The following IL10RA variants were observed in gnomAD, a reference collection of about 807,000 sequenced individuals.
IL10RA encodes interleukin-10 receptor subunit alpha.
Under a neutral mutation model 29.6 loss-of-function variants are expected in IL10RA, and 18 were observed. That is an observed-to-expected ratio of 0.61 (90% CI 0.42 to 0.90). The LOEUF is 0.90. Among genes scored for constraint, IL10RA ranks in the 40% least tolerant of loss-of-function variants. The pLI, the probability that IL10RA is intolerant of heterozygous loss-of-function variation, is 0.00. For missense variants in IL10RA, 634 were observed against 716.6 expected (o/e 0.88, Z 1.32); for synonymous variants, 292 against 294.1 (o/e 0.99, Z 0.07).
At chr11:117,990,383 T>C (rs755692128) in intron 3 of IL10RA, among the ~76,000 whole-genome samples, 10 of 152,170 alleles carry the variant, frequency 6.6e-5, no homozygotes, top group Non-Finnish European at 1.5e-4. Flanking sequence ...TTGTTCTTCT[T>C]TGTATTTTGA....
rs1565374157 is a variant in IL10RA at position 117,999,582 on chromosome 11, A to T, written c.1678A>T (p.Ser560Cys). ...GGCAGCCCCAGGTGGTCTCCTGGGC[A>T]GCTTTAACTCAGACCTGGTCACCCT... ...CVAAPGGLLG[S>C]FNSDLVTLPL... The change falls in exon 7 of 7, where the codon AGC becomes TGC. Residue 560 changes from serine to cysteine, a missense_variant. Ser to Cys is a moderately radical substitution (Grantham distance 112, BLOSUM62 -1). Transcript: ENST00000227752. The T allele has an allele frequency of 6.2e-7, 1 of 1,614,180 alleles. No individual in the cohort carries two copies. The highest frequency in any genetic ancestry group is 2.2e-5 in the East Asian group (1 of 44,870).
At chr11:117,986,801 T>A (rs1472326962) in intron 1 of IL10RA, 1 of 1,519,930 alleles carries the variant, frequency 6.6e-7, no homozygotes. Flanking sequence ...ATCCACCCAC[T>A]TCTAGATGAG....
chr11:117,997,095 G>A (rs1225097115), intron 6 of IL10RA, among the ~76,000 whole-genome samples: 6 of 152,200 alleles, frequency 3.9e-5, no homozygotes, highest in Non-Finnish European at 8.8e-5. Context: ...AGTATTATTG[G>A]ACAAGGAAGG....
At position 117,999,152 on chromosome 11, in the gene IL10RA, A is replaced by G. The variant is rs567373448; in HGVS notation, c.1248A>G (p.Thr416=). ...ACTCTGAGGGCCGGGCTGGGGACAC[A>G]CAGGGTGGCTCGGCCTTGGGCCACC... is the stretch of plus-strand genomic sequence containing the variant. ...VQNSEGRAGD[T]QGGSALGHHS... Residue 416 remains threonine (T), a synonymous_variant, in exon 7 of 7, where the codon ACA becomes ACG. Transcript: ENST00000227752. 65 of 1,614,058 alleles carry G rather than the reference A, an allele frequency of 4.0e-5. No individual in the cohort carries two copies. The South Asian group carries it at 6.1e-4, about 15-fold the overall frequency.
Position 118,001,125 on chromosome 11 carries a change from C to T in IL10RA, c.*1484C>T, listed in dbSNP as rs1316413097. 2.2e-6 allele frequency: 1 copy of T among 454,292 alleles called. No individual in the cohort carries two copies. The highest frequency in any genetic ancestry group is 1.6e-5 in the South Asian group (1 of 64,482). 28.1% of individuals were successfully genotyped at this position (454,292 alleles called of 1,614,324 possible). A position where few individuals can be genotyped will look rare whatever the true frequency, so the allele number is the denominator to read the frequency against. ...CTTAGGTGCCAGTCTGGTAACTGAA[C>T]TCCCTCTGGAGGCAGGCTTGAGGGA... On this transcript the variant is annotated 3_prime_UTR_variant, in exon 7 of 7. Transcript: ENST00000227752.
chr11:117,996,715 C>T (rs775450539), intron 6 of IL10RA, among the ~76,000 whole-genome samples: 10 of 152,198 alleles, frequency 6.6e-5, no homozygotes, highest in Admixed American at 2.0e-4. Flanking sequence ...CTTAGCCTCC[C>T]GAGTAGCTGG....
intron 1 of IL10RA, chr11:117,987,154 G>A: frequency 3.1e-6 from 1 of 327,574 alleles, no homozygotes; most frequent in South Asian, 2.5e-5. Flanking sequence ...CAGAATGAAA[G>A]AGCCGGGAGT....
Position 117,993,383 on chromosome 11 carries a change from C to A in IL10RA, c.510C>A (p.Ala170=). ...GTCACTTCCGAGAGTATGAGATTGC[C>A]ATTCGCAAGGTGCCGGGAAACTTCA... is the stretch of plus-strand genomic sequence containing the variant. ...IFSHFREYEI[A]IRKVPGNFTF... is the part of the protein sequence containing the mutation. The change falls in exon 4 of 7, where the codon GCC becomes GCA. Residue 170 remains alanine (A), a synonymous_variant. Transcript: ENST00000227752. 6.2e-7 allele frequency: 1 copy of A among 1,614,222 alleles called. No individual in the cohort carries two copies. The highest frequency in any genetic ancestry group is 8.5e-7 in the Non-Finnish European group (1 of 1,180,016).
In IL10RA at chr11:118,000,420, C is replaced by T. The variant is rs1482433637; in HGVS notation, c.*779C>T. On this transcript the variant is annotated 3_prime_UTR_variant, in exon 7 of 7. Transcript: ENST00000227752. ...CTTGCTGAGGCCAAGCCACTCACAT[C>T]CTCACTTTGCTGCCCCACCATCTTG... The T allele has an allele frequency of 2.2e-6, 1 of 454,190 alleles. No individual in the cohort carries two copies. The highest frequency in any genetic ancestry group is 6.9e-5 in the East Asian group (1 of 14,548). 28.1% of individuals were successfully genotyped at this position (454,190 alleles called of 1,614,324 possible). A position where few individuals can be genotyped will look rare whatever the true frequency, so the allele number is the denominator to read the frequency against.
intron 4 of IL10RA, among the ~76,000 whole-genome samples, chr11:117,993,653 G>A (rs1427538770): frequency 1.3e-5 from 2 of 152,210 alleles, no homozygotes; most frequent in East Asian, 3.9e-4. Context: ...TGTAGATGAA[G>A]CAATAAGGCT....
chr11:117,992,264 G>A (rs4252305), intron 3 of IL10RA, among the ~76,000 whole-genome samples: 8,117 of 152,210 alleles, frequency 0.053, 487 homozygotes, highest in East Asian at 0.34. Context: ...TTAGATTTTC[G>A]AGGAACATCC....
chr11:117,995,687 C>G lies in IL10RA; in HGVS notation c.787C>G (p.Arg263Gly). 1 of 1,613,928 alleles carries G rather than the reference C, an allele frequency of 6.2e-7. No individual in the cohort carries two copies. The highest frequency in any genetic ancestry group is 8.5e-7 in the Non-Finnish European group (1 of 1,180,040). Residue 263 changes from arginine to glycine, a missense_variant, in exon 6 of 7, where the codon CGA (arginine) becomes GGA (glycine). Coordinates refer to ENST00000227752, the MANE Select transcript of IL10RA (RefSeq NM_001558.4). The part of the protein sequence containing the change: ...CLALQLYVRR[R>G]KKLPSVLLFK... ...GGCCCTCCAGCTGTATGTGCGGCGC[C>G]GAAAGAAGCTACCCAGTGTCCTGGT...
intron 6 of IL10RA, among the ~76,000 whole-genome samples, chr11:117,996,374 A>G (rs1261963626): frequency 6.6e-6 from 1 of 152,148 alleles, no homozygotes; most frequent in Non-Finnish European, 1.5e-5. Flanking sequence ...TGTACTGACA[A>G]ATGATACATT....
chr11:117,990,924 C>T (rs749030236), intron 3 of IL10RA, among the ~76,000 whole-genome samples: 13 of 152,022 alleles, frequency 8.6e-5, no homozygotes, highest in South Asian at 2.1e-4. Flanking sequence ...GGGCTGGGCT[C>T]GGTGGCTCAC....
In IL10RA at chr11:118,000,275, G is replaced by A. The variant is rs539723044; in HGVS notation, c.*634G>A. 52 of 454,202 alleles carry A rather than the reference G, an allele frequency of 1.1e-4. No individual in the cohort carries two copies. The highest frequency in any genetic ancestry group is 3.9e-4 in the South Asian group (25 of 64,472). 28.1% of individuals were successfully genotyped at this position (454,202 alleles called of 1,614,324 possible). ...ATGGATTCACTGAGGGGAGACAAAG[G>A]GAGCCGAGACCCTGGATGGGGCTTC... is the stretch of plus-strand genomic sequence containing the variant. On this transcript the variant is annotated 3_prime_UTR_variant, in exon 7 of 7. Coordinates refer to ENST00000227752, the MANE Select transcript of IL10RA (RefSeq NM_001558.4).
intron 4 of IL10RA, 76 bp downstream of exon 4, chr11:117,993,486 T>A: frequency 2.2e-6 from 3 of 1,351,454 alleles, no homozygotes; most frequent in Non-Finnish European, 3.2e-6. Context: ...CACCCTTGTG[T>A]GCCATTGGGA....
intron 6 of IL10RA, among the ~76,000 whole-genome samples, chr11:117,998,002 A>C (rs2134994707): frequency 6.6e-6 from 1 of 152,272 alleles, no homozygotes; most frequent in South Asian, 2.1e-4. Flanking sequence ...GACAGAAAGA[A>C]CACCAGTGTG....
chr11:118,000,074 G>A lies in IL10RA; in HGVS notation c.*433G>A, dbSNP rs968349386. 2 of 459,020 alleles carry A rather than the reference G, an allele frequency of 4.4e-6. No individual in the cohort carries two copies. The highest frequency in any genetic ancestry group is 2.0e-5 in the African/African-American group (1 of 50,190). 28.4% of individuals were successfully genotyped at this position (459,020 alleles called of 1,614,324 possible). On this transcript the variant is annotated 3_prime_UTR_variant, in exon 7 of 7. Coordinates refer to ENST00000227752, the MANE Select transcript of IL10RA (RefSeq NM_001558.4). Reference sequence around the variant, plus strand: ...ACTCGAGCATCAGAGCTTCCAGCAGGAGGAAGGGCTGTAGGAATGGAAGCT... The same window carrying A: ...ACTCGAGCATCAGAGCTTCCAGCAGAAGGAAGGGCTGTAGGAATGGAAGCT...
chr11:117,993,343 A>T lies in IL10RA; in HGVS notation c.470A>T (p.Tyr157Phe). ...RPKMAPANDT[Y>F]ESIFSHFREY... Reference sequence around the variant, plus strand: ...AAGATGGCCCCCGCAAATGACACATATGAAAGCATCTTCAGTCACTTCCGA... The same window carrying T: ...AAGATGGCCCCCGCAAATGACACATTTGAAAGCATCTTCAGTCACTTCCGA... Residue 157 changes from tyrosine (Y) to phenylalanine (F), a missense_variant, in exon 4 of 7, where the codon TAT becomes TTT. Physicochemically the swap from Tyr to Phe is conservative, Grantham distance 22. Coordinates refer to ENST00000227752, the MANE Select transcript of IL10RA (RefSeq NM_001558.4). The T allele has an allele frequency of 1.2e-6, 2 of 1,614,106 alleles. No homozygotes were observed. The highest frequency in any genetic ancestry group is 1.6e-4 in the Middle Eastern group (1 of 6,062).
Sources: gnomAD v4.1 joint callset for allele counts (sites outside exome capture counted in the v4.1 genomes callset) on GRCh38, gnomAD v4.1.1 for gene constraint, MANE v1.5 for transcripts, NCBI Gene and HGNC (gene_info 2026-07-23, HGNC 2026-07-21) for gene names.